Variants in CNTN1 observed in about 807,000 individuals in gnomAD.
The protein encoded by CNTN1 is contactin 1, also known as contactin-1.
A neutral mutation model predicts 126.4 loss-of-function variants in CNTN1; 38 were observed. The observed-to-expected ratio is 0.30, with a 90% CI of 0.23 to 0.39. The LOEUF (loss-of-function observed/expected upper bound fraction) is 0.39, where lower values mean the gene tolerates loss of function less well. Among genes scored for constraint, CNTN1 ranks in the 10% least tolerant of loss-of-function variants. The pLI is 1.00. For synonymous variants in CNTN1, 413 were observed against 422.6 expected, an observed-to-expected ratio of 0.98 and a Z score of 0.28; for missense variants, 1,009 against 1,248.4, an observed-to-expected ratio of 0.81 and a Z score of 2.89.
At chr12:40,755,190 CAAAAAAAAAAAAAAAAAA>C (rs557970110) in intron 1 of CNTN1, among the ~76,000 whole-genome samples, 5 of 78,204 alleles carry the variant, frequency 6.4e-5, no homozygotes, top group African/African-American at 2.2e-4. Flanking sequence ...GACCCCACCT[CAAAAAAAAAAAAAAAAAA>C]AAAAAAAAAA....
At chr12:40,936,099 T>A (rs1946071086) in intron 9 of CNTN1, among the ~76,000 whole-genome samples, 1 of 152,160 alleles carries the variant, frequency 6.6e-6, no homozygotes, top group Non-Finnish European at 1.5e-5. Context: ...ATTTGCTTGT[T>A]CTCTAAAAAT....
At chr12:40,713,092 C>A (rs1941964368) in intron 1 of CNTN1, among the ~76,000 whole-genome samples, 1 of 152,050 alleles carries the variant, frequency 6.6e-6, no homozygotes, top group African/African-American at 2.4e-5. Flanking sequence ...GCAAACTGTG[C>A]AAGAAAAACA....
chr12:40,858,092 T>C (rs966083775), intron 1 of CNTN1, among the ~76,000 whole-genome samples: 3 of 152,142 alleles, frequency 2.0e-5, no homozygotes, highest in African/African-American at 7.2e-5. Flanking sequence ...CTCTTTCAGT[T>C]GTTAGCAGAA....
At chr12:40,928,838 A>G (rs1945784644) in intron 6 of CNTN1, among the ~76,000 whole-genome samples, 1 of 152,072 alleles carries the variant, frequency 6.6e-6, no homozygotes, top group Admixed American at 6.6e-5. Flanking sequence ...AAAGCAAAAT[A>G]GCCATTTGTC....
At chr12:40,805,697 A>G (rs368349616) in intron 1 of CNTN1, among the ~76,000 whole-genome samples, 27 of 151,932 alleles carry the variant, frequency 1.8e-4, no homozygotes, top group African/African-American at 6.5e-4. Flanking sequence ...TTTTGAAAAT[A>G]GTTTGCTGTG....
Position 40,991,823 on chromosome 12 carries a change from G to A in CNTN1, c.1964-1297G>A, listed in dbSNP as rs1012711217. ...AGCCTGGGTGACAGAGTGAGACTCC[G>A]TCTCAAAACAAACAAACAAACAAAC... On this transcript the variant is annotated intron_variant, in intron 16 of 23. Transcript: ENST00000551295. 9.3e-5 allele frequency among the ~76,000 whole-genome samples: 14 copies of A among 150,376 alleles called. No individual in the cohort carries two copies. In the East Asian group the frequency reaches 1.9e-3, roughly 21 times the overall value.
chr12:40,952,815 AAAG>A (rs1946736651), intron 14 of CNTN1, among the ~76,000 whole-genome samples: 1 of 152,176 alleles, frequency 6.6e-6, no homozygotes, highest in Non-Finnish European at 1.5e-5. Context: ...AGCCAAAAGT[AAAG>A]AAGAAACGTT....
At chr12:40,791,677 G>A (rs1422870686) in intron 1 of CNTN1, among the ~76,000 whole-genome samples, 1 of 152,040 alleles carries the variant, frequency 6.6e-6, no homozygotes, top group Non-Finnish European at 1.5e-5. Flanking sequence ...TATGTAGCTT[G>A]TGCACAGAGC....
intron 1 of CNTN1, among the ~76,000 whole-genome samples, chr12:40,816,016 G>T (rs1169417168): frequency 6.6e-6 from 1 of 152,160 alleles, no homozygotes; most frequent in Non-Finnish European, 1.5e-5. Flanking sequence ...GGTCATGGTG[G>T]ATACGTTTTT....
At chr12:41,019,921 T>G (rs1283018174) in intron 19 of CNTN1, among the ~76,000 whole-genome samples, 1 of 152,162 alleles carries the variant, frequency 6.6e-6, no homozygotes, top group Admixed American at 6.5e-5. Context: ...AATATAGAGT[T>G]GACAGCTAAA....
At chr12:40,710,577 T>C (rs1002950983) in intron 1 of CNTN1, among the ~76,000 whole-genome samples, 1 of 152,148 alleles carries the variant, frequency 6.6e-6, no homozygotes, top group South Asian at 2.1e-4. Context: ...GTAATGTCTG[T>C]GAAGTGCAAT....
intron 1 of CNTN1, among the ~76,000 whole-genome samples, chr12:40,752,903 T>C (rs1163048599): frequency 6.6e-6 from 1 of 152,160 alleles, no homozygotes; most frequent in African/African-American, 2.4e-5. Context: ...ATTTATGTTA[T>C]AATTAAAACT....
chr12:40,982,980 T>C (rs1402412496), intron 16 of CNTN1, among the ~76,000 whole-genome samples: 3 of 150,738 alleles, frequency 2.0e-5, no homozygotes, highest in Non-Finnish European at 4.4e-5. Context: ...TTAGGAGATA[T>C]ACCTAATGTA....
At chr12:41,037,446 A>G (rs1949290831) in intron 23 of CNTN1, among the ~76,000 whole-genome samples, 1 of 152,082 alleles carries the variant, frequency 6.6e-6, no homozygotes, top group Non-Finnish European at 1.5e-5. Context: ...CAGCACAGTA[A>G]TATGCTTATG....
chr12:40,883,737 T>A (rs1446608323), intron 1 of CNTN1, among the ~76,000 whole-genome samples: 1 of 151,622 alleles, frequency 6.6e-6, no homozygotes, highest in African/African-American at 2.4e-5. Context: ...AGGGAACTTG[T>A]TACAGGCTTA....
chr12:40,917,293 C>A (rs1945281113), intron 3 of CNTN1, among the ~76,000 whole-genome samples: 1 of 152,024 alleles, frequency 6.6e-6, no homozygotes, highest in African/African-American at 2.4e-5. Flanking sequence ...TTAAAATTAG[C>A]ATTTATTCAT....
At chr12:40,931,043 C>T (rs932609149) in intron 7 of CNTN1, among the ~76,000 whole-genome samples, 2 of 151,728 alleles carry the variant, frequency 1.3e-5, no homozygotes, top group Non-Finnish European at 2.9e-5. Context: ...AATATTTCTC[C>T]CCTCGCTCAA....
intron 17 of CNTN1, among the ~76,000 whole-genome samples, chr12:41,006,787 C>A (rs948031441): frequency 6.6e-6 from 1 of 152,156 alleles, no homozygotes; most frequent in Non-Finnish European, 1.5e-5. Flanking sequence ...CAGACTGAGT[C>A]AAAGCATTTG....
At chr12:40,823,155 ATTTTC>A (rs1458734294) in intron 1 of CNTN1, among the ~76,000 whole-genome samples, 14 of 152,232 alleles carry the variant, frequency 9.2e-5, no homozygotes, top group African/African-American at 2.9e-4. Context: ...CCATATTATA[ATTTTC>A]TTTTCTATCT....
Sources: gnomAD v4.1 joint callset for allele counts (sites outside exome capture counted in the v4.1 genomes callset) on GRCh38, gnomAD v4.1.1 for gene constraint, MANE v1.5 for transcripts, NCBI Gene and HGNC (gene_info 2026-07-23, HGNC 2026-07-21) for gene names.